The following SH3BP2 variants were observed in gnomAD, a reference collection of about 807,000 sequenced individuals.
SH3BP2 encodes the protein SH3 domain-binding protein 2.
A neutral mutation model predicts 56.2 loss-of-function variants in SH3BP2; 38 were observed. The ratio of observed to expected loss-of-function variants is 0.68; its 90% CI spans 0.52 to 0.89. The LOEUF (loss-of-function observed/expected upper bound fraction) is 0.89. SH3BP2 is among the 40% of genes least tolerant of loss of function. The pLI, the probability that SH3BP2 is intolerant of heterozygous loss-of-function variation, is 0.00. For synonymous variants in SH3BP2, 346 were observed against 316.7 expected, an observed-to-expected ratio of 1.09 and a Z score of -0.98; for missense variants, 748 against 762.6, an observed-to-expected ratio of 0.98 and a Z score of 0.23.
chr4:2,825,329 G>C, intron 5 of SH3BP2, 133 bp downstream of exon 5: 2 of 747,852 alleles, frequency 2.7e-6, no homozygotes, highest in East Asian at 5.4e-5. Context: ...GTGCCAGCTG[G>C]GCTGCGTCTC....
At position 2,834,029 on chromosome 4, in the gene SH3BP2, G is replaced by C; in HGVS notation, c.*195G>C. 1 of 642,834 alleles carries C rather than the reference G, an allele frequency of 1.6e-6. No homozygotes were observed. Among genetic ancestry groups the C allele is most frequent in the Non-Finnish European group, 2.6e-6 (1 of 377,918 alleles). The allele number at this position is 642,834 out of a possible 1,614,324, so 39.8% of individuals were successfully genotyped here. On this transcript the variant is annotated 3_prime_UTR_variant, in exon 13 of 13. Transcript: ENST00000503393. ...GGTTCTAGGGCTGAACCAGGCGCCA[G>C]GCTCCAGAGGACGAAGGGACTCTGT...
chr4:2,832,606 T>C (rs930091164), intron 11 of SH3BP2, among the ~76,000 whole-genome samples, 194 bp downstream of exon 11: 3 of 152,146 alleles, frequency 2.0e-5, no homozygotes, highest in African/African-American at 7.2e-5. Flanking sequence ...TTGGGGGCCA[T>C]GATGGCCACC....
rs1560115705 is a variant in SH3BP2, at chr4:2,834,658, G to A, written c.*824G>A. 6.6e-6 allele frequency: 1 copy of A among 152,208 alleles called. No individual in the cohort carries two copies. The highest frequency in any genetic ancestry group is 6.5e-5 in the Admixed American group (1 of 15,280). The allele number at this position is 152,208 out of a possible 1,614,324, so 9.4% of individuals were successfully genotyped here. The stretch of plus-strand genomic sequence containing the variant: ...CCCCGTTCCAGAACTTGCATACACT[G>A]AGCGGGCTACAGAGCTAGAAGGCCC... On this transcript the variant is annotated 3_prime_UTR_variant, in exon 13 of 13. Transcript: ENST00000503393.
chr4:2,801,236 A>G (rs1050326460), intron 1 of SH3BP2, among the ~76,000 whole-genome samples: 1 of 151,622 alleles, frequency 6.6e-6, no homozygotes, highest in Admixed American at 6.6e-5. Context: ...CTCTCTGAAC[A>G]GTGGAGCGTT....
At chr4:2,809,721 C>T in intron 1 of SH3BP2, 1 of 912,170 alleles carries the variant, frequency 1.1e-6, no homozygotes, top group Non-Finnish European at 1.3e-6. Flanking sequence ...TGCCTTACTC[C>T]TGAGCGGGCT....
chr4:2,828,836 G>A (rs1376275396), intron 7 of SH3BP2, among the ~76,000 whole-genome samples: 3 of 152,124 alleles, frequency 2.0e-5, no homozygotes, highest in African/African-American at 7.2e-5. Flanking sequence ...CGCCTGCCCT[G>A]TTCCTTGCCA....
intron 6 of SH3BP2, 118 bp downstream of exon 6, chr4:2,827,436 G>C: frequency 8.4e-7 from 1 of 1,194,568 alleles, no homozygotes; most frequent in Admixed American, 1.8e-5. Context: ...CCCTTTGGCA[G>C]TGCGCAGTAG....
chr4:2,794,331 C>T (rs1180074022), intron 1 of SH3BP2: 2 of 152,244 alleles, frequency 1.3e-5, no homozygotes, highest in South Asian at 4.1e-4. Context: ...CCTGTGGGAC[C>T]AGAGGAGGGG....
chr4:2,799,023 G>A (rs960726749), intron 1 of SH3BP2: 11 of 985,444 alleles, frequency 1.1e-5, no homozygotes, highest in African/African-American at 5.2e-5. Context: ...CTCCAAAGCC[G>A]GCGTCAGGTC....
chr4:2,820,593 T>C, intron 1 of SH3BP2, 21 bp from the exon 2 acceptor site: 2 of 1,614,120 alleles, frequency 1.2e-6, no homozygotes, highest in Non-Finnish European at 1.7e-6. Context: ...CTGAGCCACG[T>C]GCCTTTGTCC....
At chr4:2,815,373 A>C (rs1303754659) in intron 1 of SH3BP2, among the ~76,000 whole-genome samples, 2 of 152,196 alleles carry the variant, frequency 1.3e-5, no homozygotes, top group African/African-American at 2.4e-5. Flanking sequence ...TGAGGGTGCC[A>C]CATGACCTGC....
At position 2,821,835 on chromosome 4, in the gene SH3BP2, G is replaced by A. The variant is rs555317882; in HGVS notation, c.136+1082G>A. Among the ~76,000 whole-genome samples, 26 of 152,012 alleles carry A rather than the reference G, an allele frequency of 1.7e-4. No homozygotes were observed. The East Asian group carries it at 3.7e-3, about 21-fold the overall frequency. Reference sequence around the variant, plus strand: ...GCTGGGATTACAGGTGTGAGCCACCGCATCCAGCCTATTTTTTATTTATTT... The same window carrying A: ...GCTGGGATTACAGGTGTGAGCCACCACATCCAGCCTATTTTTTATTTATTT... On this transcript the variant is annotated intron_variant, in intron 2 of 12. Transcript: ENST00000503393.
chr4:2,821,669 C>T (rs537637267), intron 2 of SH3BP2, among the ~76,000 whole-genome samples: 1 of 152,184 alleles, frequency 6.6e-6, no homozygotes, highest in East Asian at 1.9e-4. Flanking sequence ...AGGTGATCCC[C>T]TCAGCTGGGA....
At position 2,824,600 on chromosome 4, in the gene SH3BP2, G is replaced by A. The variant is rs753352342; in HGVS notation, c.240-13G>A. 13 of 1,606,588 alleles carry A rather than the reference G, an allele frequency of 8.1e-6. No homozygotes were observed. The highest frequency in any genetic ancestry group is 1.7e-4 in the Middle Eastern group (1 of 6,054). On this transcript the variant is annotated splice_polypyrimidine_tract_variant and intron_variant, in intron 3 of 12. Transcript: ENST00000503393. ...TGTGAACCAGGCCGTGACCCCTGGCGCTGTGCCCCCAGGGTGATGCGGGCG... is the reference window on the plus strand; with the variant it reads ...TGTGAACCAGGCCGTGACCCCTGGCACTGTGCCCCCAGGGTGATGCGGGCG...
At chr4:2,798,004 C>T (rs1226155755) in intron 1 of SH3BP2, among the ~76,000 whole-genome samples, 1 of 152,226 alleles carries the variant, frequency 6.6e-6, no homozygotes. Flanking sequence ...TAATATCAGA[C>T]TGTTGTGCTT....
intron 10 of SH3BP2, 110 bp from the exon 11 acceptor site, chr4:2,832,221 G>C: frequency 9.1e-7 from 1 of 1,098,416 alleles, no homozygotes; most frequent in Non-Finnish European, 1.4e-6. Context: ...CAGCTCCTGA[G>C]ACCTACAACA....
rs1400779556 is a variant in SH3BP2, at chr4:2,810,838, C to CA, written c.-4-9776_-4-9775insA. Among the ~76,000 whole-genome samples, 1 of 152,194 alleles carries CA rather than the reference C, an allele frequency of 6.6e-6. No individual in the cohort carries two copies. Among genetic ancestry groups the CA allele is most frequent in the African/African-American group, 2.4e-5 (1 of 41,462 alleles). On this transcript the variant is annotated intron_variant, in intron 1 of 12. Coordinates refer to ENST00000503393, the MANE Select transcript of SH3BP2 (RefSeq NM_001122681.2). The surrounding 1 kb of genome is among the most constrained non-coding windows in gnomAD (Gnocchi z 4.2). ...AGGCTGGGCAGTGGCCCAGGGGTTC[C>CA]TCACCTGCTGTTTGATCTCAACCCT...
chr4:2,833,263 TG>T, intron 12 of SH3BP2: 1 of 632,536 alleles, frequency 1.6e-6, no homozygotes, highest in African/African-American at 1.8e-5. Flanking sequence ...CTGACCCTAG[TG>T]GGGATGGGCG....
intron 5 of SH3BP2, chr4:2,826,947 TTG>T (rs1360101617): frequency 8.2e-6 from 5 of 613,466 alleles, no homozygotes; most frequent in African/African-American, 7.3e-5. Context: ...CTGCGTGTGC[TTG>T]TGTGTGCACG....
Sources: allele counts gnomAD v4.1 joint callset (sites outside exome capture counted in the v4.1 genomes callset), GRCh38; gene constraint gnomAD v4.1.1; non-coding constraint Gnocchi (gnomAD v3.1); transcripts MANE v1.5; gene names NCBI Gene and HGNC (gene_info 2026-07-23, HGNC 2026-07-21).